CNTN5: variants seen among roughly 807,000 people sequenced by gnomAD.
The protein encoded by CNTN5 is contactin-5.
A neutral mutation model predicts 129.1 loss-of-function variants in CNTN5; 77 were observed. That is an observed-to-expected ratio of 0.60 (90% confidence interval 0.50 to 0.72). The LOEUF (loss-of-function observed/expected upper bound fraction) is 0.72, where lower values mean the gene tolerates loss of function less well. Among genes scored for constraint, CNTN5 ranks in the 30% least tolerant of loss-of-function variants. CNTN5 has a pLI of 0.00. For synonymous variants in CNTN5, 509 were observed against 465.6 expected (o/e 1.09, Z -1.20); for missense variants, 1,478 against 1,328.8 (o/e 1.11, Z -1.75).
intron 9 of CNTN5, among the ~76,000 whole-genome samples, chr11:100,029,855 A>G (rs546117715): frequency 1.3e-5 from 2 of 152,322 alleles, no homozygotes; most frequent in African/African-American, 4.8e-5. Context: ...TCTTTACACC[A>G]AAATAATGAC....
intron 13 of CNTN5, among the ~76,000 whole-genome samples, chr11:100,156,111 G>C (rs986443371): frequency 3.3e-5 from 5 of 152,082 alleles, no homozygotes; most frequent in African/African-American, 1.2e-4. Context: ...TCCAGTTTGT[G>C]CCCATTCAGT....
In CNTN5 at chr11:99,928,725, A is replaced by G. The variant is rs548040494; in HGVS notation, c.673+12576A>G. On this transcript the variant is annotated intron_variant, in intron 7 of 24. Coordinates refer to ENST00000524871, the MANE Select transcript of CNTN5 (RefSeq NM_014361.4). ...TGGGCCTGTGATGGAAGGGGCTGCT[A>G]TGAAGACTTCTCACACGCTCTGGAG... Among the ~76,000 whole-genome samples, 625 of 152,240 alleles carry G rather than the reference A, an allele frequency of 4.1e-3. 7 individuals carry two copies. The highest frequency in any genetic ancestry group is 5.7e-3 in the Non-Finnish European group (391 of 68,022).
chr11:99,141,212 GT>G (rs1859498241), intron 1 of CNTN5, among the ~76,000 whole-genome samples: 3 of 151,774 alleles, frequency 2.0e-5, no homozygotes, highest in African/African-American at 7.3e-5. Context: ...TTTTTTATTG[GT>G]TCAACCTTGG....
chr11:99,684,129 C>T (rs1953682502), intron 3 of CNTN5, among the ~76,000 whole-genome samples: 1 of 151,684 alleles, frequency 6.6e-6, no homozygotes, highest in South Asian at 2.1e-4. Flanking sequence ...ACTTTCACTC[C>T]CTGTTTCTAT....
At chr11:100,037,541 T>A (rs1320556183) in intron 9 of CNTN5, among the ~76,000 whole-genome samples, 1 of 152,156 alleles carries the variant, frequency 6.6e-6, no homozygotes, top group Non-Finnish European at 1.5e-5. Flanking sequence ...TCAGAAGGAA[T>A]GGTACCAGCT....
chr11:99,302,293 T>C (rs1294802320), intron 1 of CNTN5, among the ~76,000 whole-genome samples: 1 of 151,590 alleles, frequency 6.6e-6, no homozygotes, highest in Non-Finnish European at 1.5e-5. Flanking sequence ...GTTGGTTTGA[T>C]GAAAAGATCA....
intron 6 of CNTN5, among the ~76,000 whole-genome samples, chr11:99,883,591 C>T (rs1204099568): frequency 6.6e-6 from 1 of 152,222 alleles, no homozygotes; most frequent in Non-Finnish European, 1.5e-5. Flanking sequence ...TATGAAGAGT[C>T]CCTATTAAAC....
intron 1 of CNTN5, among the ~76,000 whole-genome samples, chr11:99,116,204 G>T (rs1940516): frequency 4.6e-5 from 7 of 151,836 alleles, no homozygotes; most frequent in African/African-American, 1.7e-4. Context: ...GAAATTTCTT[G>T]TGTGTGAATT....
chr11:99,267,020 G>A (rs185583753), intron 1 of CNTN5, among the ~76,000 whole-genome samples: 6 of 151,928 alleles, frequency 3.9e-5, no homozygotes, highest in Admixed American at 2.6e-4. Flanking sequence ...AAGTACTGGA[G>A]AATAAGAGAA....
Position 99,543,645 on chromosome 11 carries a change from C to T in CNTN5, c.-70-12500C>T, listed in dbSNP as rs565221256. On this transcript the variant is annotated intron_variant, in intron 2 of 24. Transcript: ENST00000524871. ...GATATAATAGAAATTAGGCCGGGTG[C>T]GGTGGCTCATGCCTGTAATCCCAGC... Among the ~76,000 whole-genome samples, 16 of 152,150 alleles carry T rather than the reference C, an allele frequency of 1.1e-4. No individual in the cohort carries two copies. The East Asian group carries it at 2.3e-3, about 22-fold the overall frequency.
chr11:100,159,619 C>A (rs1267541767), intron 13 of CNTN5, among the ~76,000 whole-genome samples: 1 of 151,848 alleles, frequency 6.6e-6, no homozygotes, highest in African/African-American at 2.4e-5. Flanking sequence ...CATTATAGAA[C>A]AGTAGAGGTG....
At chr11:99,948,097 A>C (rs1453576) in intron 7 of CNTN5, among the ~76,000 whole-genome samples, 60,864 of 152,056 alleles carry the variant, frequency 0.4, 12,327 homozygotes, top group East Asian at 0.46. Context: ...GTCCAAGATT[A>C]AACCTTTCTA....
intron 1 of CNTN5, among the ~76,000 whole-genome samples, chr11:99,218,942 T>C (rs1464270145): frequency 3.9e-5 from 6 of 152,168 alleles, no homozygotes; most frequent in Middle Eastern, 3.4e-3. Context: ...GTAGAAGCCA[T>C]ACATTGAGGA....
intron 6 of CNTN5, among the ~76,000 whole-genome samples, chr11:99,848,212 A>C (rs1417868711): frequency 6.6e-6 from 1 of 152,146 alleles, no homozygotes; most frequent in Non-Finnish European, 1.5e-5. Context: ...TCCTTCTCAA[A>C]ACAAAACAAA....
chr11:99,688,636 A>G (rs1356230671), intron 3 of CNTN5, among the ~76,000 whole-genome samples: 1 of 152,010 alleles, frequency 6.6e-6, no homozygotes, highest in Non-Finnish European at 1.5e-5. Flanking sequence ...CCAGAAATAC[A>G]TTTCCAGGAT....
At chr11:99,561,137 A>T (rs1948829115) in intron 3 of CNTN5, among the ~76,000 whole-genome samples, 1 of 152,142 alleles carries the variant, frequency 6.6e-6, no homozygotes. Flanking sequence ...ATCATTCTAG[A>T]GTATCCTGTA....
rs117490930 is a variant in CNTN5 at position 99,492,506 on chromosome 11, C to A, written c.-70-63639C>A. On this transcript the variant is annotated intron_variant, in intron 2 of 24. Coordinates refer to ENST00000524871, the MANE Select transcript of CNTN5 (RefSeq NM_014361.4). Reference sequence around the variant, plus strand: ...TGCTAAAATCTTCTGAAAAGATATACCTCAAAGGAAGGTGATTAGTGCTAT... The same window carrying A: ...TGCTAAAATCTTCTGAAAAGATATAACTCAAAGGAAGGTGATTAGTGCTAT... Among the ~76,000 whole-genome samples the A allele has an allele frequency of 4.5e-3, 680 of 152,096 alleles. 4 individuals carry two copies. Among genetic ancestry groups the A allele is most frequent in the Non-Finnish European group, 6.7e-3 (459 of 68,004 alleles).
intron 18 of CNTN5, among the ~76,000 whole-genome samples, chr11:100,283,826 A>T (rs1374198510): frequency 2.6e-5 from 4 of 152,018 alleles, no homozygotes; most frequent in African/African-American, 9.7e-5. Context: ...GGCACCTGTA[A>T]TCCCAGCTAC....
chr11:99,643,256 T>G (rs1428569876), intron 3 of CNTN5, among the ~76,000 whole-genome samples: 1 of 152,008 alleles, frequency 6.6e-6, no homozygotes, highest in African/African-American at 2.4e-5. Context: ...TTGGTATGTC[T>G]CTGTAAAAAT....
Sources: gnomAD v4.1 joint callset for allele counts (sites outside exome capture counted in the v4.1 genomes callset) on GRCh38, gnomAD v4.1.1 for gene constraint, MANE v1.5 for transcripts, NCBI Gene and HGNC (gene_info 2026-07-23, HGNC 2026-07-21) for gene names.